The following RBFOX3 variants were observed in gnomAD, a reference collection of about 807,000 sequenced individuals.
The protein encoded by RBFOX3 is RNA binding protein fox-1 homolog 3.
Under a neutral mutation model 48.7 loss-of-function variants are expected in RBFOX3, and 17 were observed. The observed-to-expected ratio is 0.35, with a 90% CI of 0.24 to 0.52. The LOEUF (loss-of-function observed/expected upper bound fraction) is 0.52. Among genes scored for constraint, RBFOX3 ranks in the 20% least tolerant of loss-of-function variants. The pLI, the probability that RBFOX3 is intolerant of heterozygous loss-of-function variation, is 0.94. For missense variants in RBFOX3, 382 were observed against 497.5 expected (o/e 0.77, Z 2.21); for synonymous variants, 212 against 209.5 (o/e 1.01, Z -0.10).
At chr17:79,448,872 C>T (rs2072899889) in intron 2 of RBFOX3, among the ~76,000 whole-genome samples, 1 of 152,208 alleles carries the variant, frequency 6.6e-6, no homozygotes, top group South Asian at 2.1e-4. Flanking sequence ...AGCCCCCAGA[C>T]CCCTCATGCA....
rs540253619 is a variant in RBFOX3, at chr17:79,198,031, C to T, written c.-34+37735G>A. On this transcript the variant is annotated intron_variant, in intron 4 of 14. Coordinates refer to ENST00000693108, the MANE Select transcript of RBFOX3 (RefSeq NM_001350451.2). This position sits in a 1 kb window ranked among gnomAD's most constrained non-coding sequence, Gnocchi z 8.2. ...CTAAGCATGCCGAGTGAATCCATCC[C>T]GAGTGCCTCTGTCTGCGTCAGGAGA... 3.9e-5 allele frequency among the ~76,000 whole-genome samples: 6 copies of T among 152,182 alleles called. No individual in the cohort carries two copies. The highest frequency in any genetic ancestry group is 1.9e-4 in the East Asian group (1 of 5,162).
At chr17:79,543,424 C>G (rs1257178800) in intron 1 of RBFOX3, among the ~76,000 whole-genome samples, 4 of 152,114 alleles carry the variant, frequency 2.6e-5, no homozygotes, top group Non-Finnish European at 5.9e-5. Context: ...TCATCACCCT[C>G]TGAGGGTAGA....
chr17:79,457,557 A>G (rs4442853), intron 2 of RBFOX3, among the ~76,000 whole-genome samples: 75,690 of 152,004 alleles, frequency 0.5, 20,211 homozygotes, highest in Non-Finnish European at 0.59. Flanking sequence ...CCCCGTGTAG[A>G]TGCCCCGGGA....
In RBFOX3 at chr17:79,508,389, C is replaced by A. The variant is rs1019681462; in HGVS notation, c.-319-25791G>T. ...GGCGTCCTGAGCCGCCAGCCCAGCCCGACCTCCTCCGCCTGCCTGCCCGAG... is the reference window on the plus strand; with the variant it reads ...GGCGTCCTGAGCCGCCAGCCCAGCCAGACCTCCTCCGCCTGCCTGCCCGAG... On this transcript the variant is annotated intron_variant, in intron 1 of 14. Coordinates refer to ENST00000693108, the MANE Select transcript of RBFOX3 (RefSeq NM_001350451.2). 3.9e-5 allele frequency among the ~76,000 whole-genome samples: 6 copies of A among 152,284 alleles called. No homozygotes were observed. The East Asian group carries it at 9.7e-4, about 25-fold the overall frequency.
chr17:79,540,752 C>T (rs1555790022), intron 1 of RBFOX3, among the ~76,000 whole-genome samples: 1 of 152,226 alleles, frequency 6.6e-6, no homozygotes, highest in East Asian at 1.9e-4. Context: ...CTTCAGTGCC[C>T]CCATCTGTAA....
chr17:79,543,905 G>A (rs74805540), intron 1 of RBFOX3, among the ~76,000 whole-genome samples: 4,962 of 152,124 alleles, frequency 0.033, 243 homozygotes, highest in African/African-American at 0.11. Context: ...TGCAGGGTGA[G>A]CCCCCTACCC....
Position 79,214,833 on chromosome 17 carries a change from G to C in RBFOX3, c.-34+20933C>G, listed in dbSNP as rs747928145. 1.2e-4 allele frequency among the ~76,000 whole-genome samples: 19 copies of C among 152,272 alleles called. No homozygotes were observed. The highest frequency in any genetic ancestry group is 6.8e-3 in the Middle Eastern group (2 of 294). Reference sequence around the variant, plus strand: ...CGTTTAAACAGCTTCTATTACTCCAGGGCAAACTTTAAAAAACATAATATT... The same window carrying C: ...CGTTTAAACAGCTTCTATTACTCCACGGCAAACTTTAAAAAACATAATATT... On this transcript the variant is annotated intron_variant, in intron 4 of 14. Transcript: ENST00000693108. This position sits in a 1 kb window ranked among gnomAD's most constrained non-coding sequence, Gnocchi z 4.7.
chr17:79,160,117 G>T (rs1157724529), intron 4 of RBFOX3, among the ~76,000 whole-genome samples: 2 of 152,266 alleles, frequency 1.3e-5, no homozygotes, highest in African/African-American at 4.8e-5. Flanking sequence ...CCGGCCCCGG[G>T]GGATTCTCCT....
At chr17:79,378,639 A>G (rs1598438142) in intron 2 of RBFOX3, among the ~76,000 whole-genome samples, 1 of 150,894 alleles carries the variant, frequency 6.6e-6, no homozygotes, top group Non-Finnish European at 1.5e-5. Flanking sequence ...GGAAAAAGAA[A>G]CCTCCTCTCG....
chr17:79,545,824 C>G (rs1183921530), intron 1 of RBFOX3, among the ~76,000 whole-genome samples: 1 of 152,230 alleles, frequency 6.6e-6, no homozygotes, highest in Admixed American at 6.5e-5. Flanking sequence ...CTCAGACACA[C>G]CCGTGCACAC....
In RBFOX3 at chr17:79,519,501, G is replaced by A. The variant is rs1328120257; in HGVS notation, c.-319-36903C>T. On this transcript the variant is annotated intron_variant, in intron 1 of 14. Coordinates refer to ENST00000693108, the MANE Select transcript of RBFOX3 (RefSeq NM_001350451.2). ...GAGGCCACAGCCCTGCTTCCCTGCT[G>A]AGAGGAGACGGCTCCCCACCCATCC... Among the ~76,000 whole-genome samples, 4 of 152,340 alleles carry A rather than the reference G, an allele frequency of 2.6e-5. No individual in the cohort carries two copies. The East Asian group carries it at 7.7e-4, about 29-fold the overall frequency.
At chr17:79,538,857 G>A (rs1555789405) in intron 1 of RBFOX3, among the ~76,000 whole-genome samples, 2 of 152,126 alleles carry the variant, frequency 1.3e-5, no homozygotes, top group Non-Finnish European at 2.9e-5. Context: ...CAAAGCATGG[G>A]TATGGCCCAT....
intron 2 of RBFOX3, among the ~76,000 whole-genome samples, chr17:79,436,147 C>G (rs1411244153): frequency 2.0e-5 from 3 of 152,200 alleles, no homozygotes; most frequent in African/African-American, 4.8e-5. Flanking sequence ...TCAGCAAACA[C>G]CCCCGGGTAG....
intron 4 of RBFOX3, among the ~76,000 whole-genome samples, chr17:79,120,166 C>T (rs1277095027): frequency 6.6e-6 from 1 of 152,170 alleles, no homozygotes; most frequent in Non-Finnish European, 1.5e-5. Context: ...GGATCTGGTT[C>T]CCCAGGGGAC....
At chr17:79,553,670 TC>T (rs1235086640) in intron 1 of RBFOX3, among the ~76,000 whole-genome samples, 7 of 152,188 alleles carry the variant, frequency 4.6e-5, no homozygotes, top group Non-Finnish European at 7.4e-5. Flanking sequence ...ATTATATTTC[TC>T]CCTTATTATT....
At chr17:79,595,822 G>A (rs930759751) in intron 1 of RBFOX3, among the ~76,000 whole-genome samples, 45 of 152,350 alleles carry the variant, frequency 3.0e-4, no homozygotes, top group African/African-American at 1.0e-3. Flanking sequence ...ATCTGCCAGC[G>A]GAGAAATATG....
chr17:79,546,552 G>A (rs781841892), intron 1 of RBFOX3, among the ~76,000 whole-genome samples: 9 of 142,272 alleles, frequency 6.3e-5, no homozygotes, highest in Non-Finnish European at 1.3e-4. Flanking sequence ...TGGCCTGTCT[G>A]TAGCCCGCTC....
At position 79,252,597 on chromosome 17, in the gene RBFOX3, C is replaced by A. The variant is rs1282969809; in HGVS notation, c.-73-16792G>T. Among the ~76,000 whole-genome samples the A allele has an allele frequency of 6.6e-6, 1 of 152,218 alleles. No individual in the cohort carries two copies. The highest frequency in any genetic ancestry group is 2.4e-5 in the African/African-American group (1 of 41,464). On this transcript the variant is annotated intron_variant, in intron 3 of 14. Transcript: ENST00000693108. This position sits in a 1 kb window ranked among gnomAD's most constrained non-coding sequence, Gnocchi z 4.0. ...GTTCCTCGATGGTAAACCAGTGAGGCTCCTTCCTGACTTCTGCCTTCCAGA... is the reference window on the plus strand; with the variant it reads ...GTTCCTCGATGGTAAACCAGTGAGGATCCTTCCTGACTTCTGCCTTCCAGA...
intron 5 of RBFOX3, among the ~76,000 whole-genome samples, chr17:79,107,592 G>A (rs1323420317): frequency 6.6e-6 from 1 of 152,232 alleles, no homozygotes; most frequent in Non-Finnish European, 1.5e-5. Context: ...CTGGCCTTCA[G>A]TCTGGCTTGG....
Sources: gnomAD v4.1 joint callset for allele counts (sites outside exome capture counted in the v4.1 genomes callset) on GRCh38, gnomAD v4.1.1 for gene constraint, Gnocchi (gnomAD v3.1) non-coding constraint, MANE v1.5 for transcripts, NCBI Gene and HGNC (gene_info 2026-07-23, HGNC 2026-07-21) for gene names.